Variants in RBM47 observed in about 807,000 individuals in gnomAD.
The protein encoded by RBM47 is RNA-binding protein 47.
A neutral mutation model predicts 47.1 loss-of-function variants in RBM47; 21 were observed. The observed-to-expected ratio is 0.45, with a 90% confidence interval of 0.32 to 0.64. The LOEUF is 0.64. Among genes scored for constraint, RBM47 ranks in the 30% least tolerant of loss-of-function variants. The pLI is 0.05. For synonymous variants in RBM47, 375 were observed against 361.7 expected (o/e 1.04, Z -0.42); for missense variants, 708 against 870.9 (o/e 0.81, Z 2.35).
chr4:40,534,131 T>G lies in RBM47; in HGVS notation c.-155+10291A>C, dbSNP rs116153311. Among the ~76,000 whole-genome samples the G allele has an allele frequency of 5.9e-3, 901 of 151,650 alleles. 8 individuals carry two copies. The highest frequency in any genetic ancestry group is 0.021 in the African/African-American group (864 of 41,320). ...ATGCCTGGCGCCTGGCTAATATTTT[T>G]TAATTTATTTTTTTTTTAGAGATGG... On this transcript the variant is annotated intron_variant, in intron 2 of 6. Coordinates refer to ENST00000295971, the MANE Select transcript of RBM47 (RefSeq NM_001098634.2).
In RBM47 at chr4:40,426,291, T is replaced by G. The variant is rs539639827; in HGVS notation, c.1543-148A>C. 6.4e-5 allele frequency: 64 copies of G among 1,005,080 alleles called. 1 individual carries two copies. The South Asian group carries it at 1.1e-3, about 17-fold the overall frequency. The allele number at this position is 1,005,080 out of a possible 1,614,324, so 62.3% of individuals were successfully genotyped here. A position where few individuals can be genotyped will look rare whatever the true frequency, so the allele number is the denominator to read the frequency against. ...AGAGGGGCGGGCAAACAGCAATTAT[T>G]GTAAGCAAGTGGGAGAAGAGCCACT... On this transcript the variant is annotated intron_variant, in intron 6 of 6. Transcript: ENST00000295971.
chr4:40,610,935 T>A (rs992637162), intron 1 of RBM47, among the ~76,000 whole-genome samples: 1 of 152,212 alleles, frequency 6.6e-6, no homozygotes, highest in South Asian at 2.1e-4. Flanking sequence ...TCCCCAGCCA[T>A]GGGGAACTGT....
intron 1 of RBM47, among the ~76,000 whole-genome samples, chr4:40,595,293 G>C (rs530290758): frequency 6.6e-6 from 1 of 151,652 alleles, no homozygotes; most frequent in African/African-American, 2.4e-5. Flanking sequence ...TCATGAGTTC[G>C]AGACCAGCCT....
chr4:40,462,559 G>A (rs1026479885), intron 3 of RBM47, among the ~76,000 whole-genome samples: 3 of 151,794 alleles, frequency 2.0e-5, no homozygotes, highest in African/African-American at 4.8e-5. Context: ...CCCAACTGCC[G>A]CCTCACTGCT....
intron 1 of RBM47, among the ~76,000 whole-genome samples, chr4:40,615,859 A>C (rs971573502): frequency 2.0e-5 from 3 of 152,190 alleles, no homozygotes; most frequent in African/African-American, 7.2e-5. Context: ...ATCTTATGCA[A>C]AACGAATAAC....
intron 2 of RBM47, among the ~76,000 whole-genome samples, chr4:40,476,001 G>C (rs903743899): frequency 6.6e-6 from 1 of 152,142 alleles, no homozygotes; most frequent in African/African-American, 2.4e-5. Context: ...AGGCTCAAAA[G>C]CTTTGCCACT....
At chr4:40,485,714 T>C (rs1455076402) in intron 2 of RBM47, among the ~76,000 whole-genome samples, 1 of 151,980 alleles carries the variant, frequency 6.6e-6, no homozygotes, top group Non-Finnish European at 1.5e-5. Context: ...ATTACTCAAA[T>C]AGACAATTTT....
intron 2 of RBM47, among the ~76,000 whole-genome samples, chr4:40,518,165 T>A (rs1344899388): frequency 1.2e-5 from 1 of 85,020 alleles, no homozygotes; most frequent in African/African-American, 6.5e-5. Flanking sequence ...TTTCTTTTTT[T>A]TTTTTTTTTT....
At chr4:40,611,189 A>C (rs1736229698) in intron 1 of RBM47, among the ~76,000 whole-genome samples, 1 of 152,188 alleles carries the variant, frequency 6.6e-6, no homozygotes, top group Non-Finnish European at 1.5e-5. Flanking sequence ...CTCTAGGTAA[A>C]TGTAGGCACA....
chr4:40,598,933 G>A (rs1734999731), intron 1 of RBM47, among the ~76,000 whole-genome samples: 1 of 151,430 alleles, frequency 6.6e-6, no homozygotes, highest in Non-Finnish European at 1.5e-5. Flanking sequence ...AATTAGTACT[G>A]GTAAACATTA....
intron 1 of RBM47, among the ~76,000 whole-genome samples, chr4:40,625,265 G>A (rs955269857): frequency 1.5e-4 from 23 of 152,182 alleles, no homozygotes; most frequent in African/African-American, 4.8e-4. Flanking sequence ...TTCAGAATAG[G>A]AATTAAATTG....
chr4:40,509,160 AAAATAAATAAAT>A (rs139292597), intron 2 of RBM47, among the ~76,000 whole-genome samples: 6 of 146,448 alleles, frequency 4.1e-5, no homozygotes, highest in South Asian at 4.3e-4. Flanking sequence ...CCTCCATCTC[AAAATAAATAAAT>A]AAATAAATAA....
At chr4:40,578,571 T>C (rs1732557693) in intron 1 of RBM47, among the ~76,000 whole-genome samples, 1 of 152,246 alleles carries the variant, frequency 6.6e-6, no homozygotes, top group Admixed American at 6.5e-5. Flanking sequence ...TGTTCTTAGC[T>C]TTTTCTTTCT....
chr4:40,578,905 G>T (rs1732593693), intron 1 of RBM47, among the ~76,000 whole-genome samples: 1 of 151,678 alleles, frequency 6.6e-6, no homozygotes, highest in African/African-American at 2.4e-5. Context: ...ATCACTTGAG[G>T]TCAGGAGTTC....
chr4:40,578,304 T>G (rs1732529681), intron 1 of RBM47, among the ~76,000 whole-genome samples: 1 of 152,256 alleles, frequency 6.6e-6, no homozygotes, highest in African/African-American at 2.4e-5. Context: ...TTTGAAACAA[T>G]TAATATACTT....
intron 2 of RBM47, among the ~76,000 whole-genome samples, chr4:40,519,073 C>A (rs1002964402): frequency 6.6e-6 from 1 of 151,772 alleles, no homozygotes; most frequent in African/African-American, 2.4e-5. Flanking sequence ...TGGTGGCATG[C>A]GCCTGTGGTC....
intron 1 of RBM47, among the ~76,000 whole-genome samples, chr4:40,547,468 A>C (rs1477167017): frequency 6.6e-6 from 1 of 152,222 alleles, no homozygotes; most frequent in Non-Finnish European, 1.5e-5. Flanking sequence ...CCAGGTAAAC[A>C]AACCCTGCTG....
At chr4:40,449,729 A>G (rs955588697) in intron 3 of RBM47, among the ~76,000 whole-genome samples, 2 of 152,132 alleles carry the variant, frequency 1.3e-5, no homozygotes, top group African/African-American at 4.8e-5. Context: ...CCCAGGCTGG[A>G]GTGCAGTGGC....
chr4:40,435,319 C>T lies in RBM47; in HGVS notation c.1330+1122G>A, dbSNP rs149307934. ...ATCCCAGCACTTTGGGAGGCTCAGG[C>T]GGGTGGCTCACTTGAGGTCAGGAGT... On this transcript the variant is annotated intron_variant, in intron 5 of 6. Coordinates refer to ENST00000295971, the MANE Select transcript of RBM47 (RefSeq NM_001098634.2). 2.2e-3 allele frequency among the ~76,000 whole-genome samples: 333 copies of T among 152,224 alleles called. 2 individuals carry two copies. The highest frequency in any genetic ancestry group is 7.6e-3 in the African/African-American group (314 of 41,524).
Sources: allele counts gnomAD v4.1 joint callset (sites outside exome capture counted in the v4.1 genomes callset), GRCh38; gene constraint gnomAD v4.1.1; transcripts MANE v1.5; gene names NCBI Gene and HGNC (gene_info 2026-07-23, HGNC 2026-07-21).